The following PNPLA1 variants were observed in gnomAD, a reference collection of about 807,000 sequenced individuals.
PNPLA1 encodes the protein patatin like domain 1, omega-hydroxyceramide transacylase.
In PNPLA1, 36 loss-of-function variants were observed where a neutral mutation model predicts 51.7. The observed-to-expected ratio is 0.70, with a 90% CI of 0.53 to 0.92. The LOEUF is 0.92. Ranked by LOEUF, PNPLA1 falls within the 40% of genes least tolerant of loss-of-function variation. The pLI, the probability that PNPLA1 is intolerant of heterozygous loss-of-function variation, is 0.00. For synonymous variants in PNPLA1, 293 were observed against 280.1 expected (o/e 1.05, Z -0.46); for missense variants, 658 against 682.5 (o/e 0.96, Z 0.40).
chr6:36,273,635 G>A (rs1190294243), intron 1 of PNPLA1, among the ~76,000 whole-genome samples: 3 of 143,656 alleles, frequency 2.1e-5, no homozygotes, highest in Non-Finnish European at 4.5e-5. Context: ...GCTCATGCCT[G>A]TGATCCCAGC....
At chr6:36,259,437 A>G (rs1423010928) in intron 1 of PNPLA1, among the ~76,000 whole-genome samples, 3 of 152,142 alleles carry the variant, frequency 2.0e-5, no homozygotes, top group Non-Finnish European at 4.4e-5. Flanking sequence ...TATACTAGTA[A>G]AGACTATTTT....
At chr6:36,255,453 C>T (rs545367665) in intron 1 of PNPLA1, among the ~76,000 whole-genome samples, 3 of 152,278 alleles carry the variant, frequency 2.0e-5, no homozygotes, top group East Asian at 3.9e-4. Flanking sequence ...TGCAGTGAGC[C>T]GAGATCATGC....
intron 1 of PNPLA1, among the ~76,000 whole-genome samples, chr6:36,282,044 G>GAAAGAAAGAAAGAAA (rs1770301828): frequency 2.9e-4 from 10 of 34,568 alleles, no homozygotes; most frequent in African/African-American, 1.6e-3. Context: ...AAAGAAAGAA[G>GAAAGAAAGAAAGAAA]GAAAGAAAGA....
At chr6:36,286,937 C>A (rs1451886245) in intron 1 of PNPLA1, among the ~76,000 whole-genome samples, 2 of 152,068 alleles carry the variant, frequency 1.3e-5, no homozygotes, top group Non-Finnish European at 2.9e-5. Flanking sequence ...CCTCCCATCT[C>A]AGCCTCCCAA....
intron 1 of PNPLA1, among the ~76,000 whole-genome samples, chr6:36,282,127 AGGAAGGAAGGAAAGAG>A (rs1375503432): frequency 7.5e-5 from 9 of 120,090 alleles, no homozygotes; most frequent in African/African-American, 2.2e-4. Flanking sequence ...GAAGGAAGGA[AGGAAGGAAGGAAAGAG>A]AGACAGAGAG....
intron 1 of PNPLA1, among the ~76,000 whole-genome samples, chr6:36,290,283 C>T (rs1264633622): frequency 3.3e-5 from 5 of 152,186 alleles, no homozygotes; most frequent in African/African-American, 1.2e-4. Context: ...TATTTTCACT[C>T]CTGATTTTCC....
At chr6:36,283,525 G>T (rs1019576252) in intron 1 of PNPLA1, among the ~76,000 whole-genome samples, 1 of 152,146 alleles carries the variant, frequency 6.6e-6, no homozygotes, top group Non-Finnish European at 1.5e-5. Flanking sequence ...AGCTGGGCAT[G>T]GTGGTGCACC....
chr6:36,267,510 C>T (rs779060898), upstream of PNPLA1, among the ~76,000 whole-genome samples: 29 of 152,258 alleles, frequency 1.9e-4, no homozygotes, highest in Admixed American at 4.6e-4. Context: ...TATGTGCATT[C>T]GTGGAAGTCA....
intron 1 of PNPLA1, among the ~76,000 whole-genome samples, chr6:36,258,847 G>A (rs561012780): frequency 2.9e-4 from 44 of 152,316 alleles, no homozygotes; most frequent in African/African-American, 1.0e-3. Flanking sequence ...GGTTTGCATT[G>A]TCGCTCTCCA....
At chr6:36,304,629 GAAAAA>G (rs539155104) in intron 6 of PNPLA1, among the ~76,000 whole-genome samples, 1 of 71,960 alleles carries the variant, frequency 1.4e-5, no homozygotes, top group Non-Finnish European at 2.7e-5. Flanking sequence ...TCCGTCTCAG[GAAAAA>G]AAAAAAAAAA....
rs184075118 is a variant in PNPLA1, at chr6:36,257,723, A to G, written c.-81+14462A>G. ...AGCTGCTTTAAAATTCTTGTCTGTT[A>G]GTTTTTACATCTGAGTTGTCTCAAG... On this transcript the variant is annotated intron_variant, in intron 1 of 7. Transcript: ENST00000312917. 7.0e-3 allele frequency among the ~76,000 whole-genome samples: 1,065 copies of G among 152,168 alleles called. 12 individuals carry two copies. Among genetic ancestry groups the G allele is most frequent in the Non-Finnish European group, 0.013 (888 of 68,012 alleles).
In PNPLA1 at chr6:36,270,493, AC is replaced by A. The variant is rs938583000; in HGVS notation, c.38del (p.Pro13LeufsTer45). On this transcript the variant is annotated frameshift_variant, in exon 1 of 9. Transcript: ENST00000636260. LOFTEE classifies it high-confidence loss of function. Reference sequence around the variant, plus strand: ...ACAGGTGTTCAAGGGGGACCCGGACACCCCTCACTCCATCTCCTTCTCGGGC... The same window carrying A: ...ACAGGTGTTCAAGGGGGACCCGGACACCCTCACTCCATCTCCTTCTCGGGC... ...EEQVFKGDPDTPHSISFSGSG... is the reference protein window; with the variant it reads ...EEQVFKGDPDXPHSISFSGSG... 64 of 1,551,130 alleles carry A rather than the reference AC, an allele frequency of 4.1e-5. No homozygotes were observed. The highest frequency in any genetic ancestry group is 5.5e-5 in the Non-Finnish European group (63 of 1,146,950).
At chr6:36,300,995 T>A (rs1174221436) in intron 5 of PNPLA1, among the ~76,000 whole-genome samples, 1 of 152,218 alleles carries the variant, frequency 6.6e-6, no homozygotes, top group Non-Finnish European at 1.5e-5. Context: ...TTCTTCAAAT[T>A]GTTCCAGCTT....
intron 8 of PNPLA1, among the ~76,000 whole-genome samples, chr6:36,310,981 G>A (rs1771395287): frequency 6.6e-6 from 1 of 152,222 alleles, no homozygotes; most frequent in Non-Finnish European, 1.5e-5. Context: ...GGACATTTGG[G>A]AGGGTCCCGG....
chr6:36,307,874 C>A, intron 8 of PNPLA1, 162 bp downstream of exon 8: 1 of 861,712 alleles, frequency 1.2e-6, no homozygotes, highest in Non-Finnish European at 1.7e-6. Flanking sequence ...CCTGCTCTGC[C>A]ACAGCTCCAC....
At chr6:36,248,731 C>G (rs138361083) in intron 1 of PNPLA1, among the ~76,000 whole-genome samples, 31 of 152,256 alleles carry the variant, frequency 2.0e-4, no homozygotes, top group Non-Finnish European at 3.8e-4. Flanking sequence ...GTTGGCCAGG[C>G]TGGTCTTGAA....
At chr6:36,244,945 A>T (rs548724668) in intron 1 of PNPLA1, among the ~76,000 whole-genome samples, 3 of 152,334 alleles carry the variant, frequency 2.0e-5, no homozygotes, top group South Asian at 2.1e-4. Context: ...CTCACAGGTA[A>T]GGGTTTTTAA....
rs1434264509 is a variant in PNPLA1, at chr6:36,313,244, A to G, written c.*1358A>G. Among the ~76,000 whole-genome samples the G allele has an allele frequency of 6.6e-6, 1 of 152,130 alleles. No homozygotes were observed. Among genetic ancestry groups the G allele is most frequent in the Non-Finnish European group, 1.5e-5 (1 of 68,012 alleles). Reference sequence around the variant, plus strand: ...GTCTGCTGTTCACACCTCAGTGAAAATGTTCCGTGAGGAGGACAACTTCAG... The same window carrying G: ...GTCTGCTGTTCACACCTCAGTGAAAGTGTTCCGTGAGGAGGACAACTTCAG... On this transcript the variant is annotated 3_prime_UTR_variant, in exon 9 of 9. Transcript: ENST00000636260.
At chr6:36,299,333 C>CTTTT (rs56352900) in intron 5 of PNPLA1, among the ~76,000 whole-genome samples, 95,996 of 142,236 alleles carry the variant, frequency 0.67, 32,338 homozygotes, top group Admixed American at 0.72. Context: ...GTTTTTTTGT[C>CTTTT]TGTTTTTTTT....
Sources: gnomAD v4.1 joint callset for allele counts (sites outside exome capture counted in the v4.1 genomes callset) on GRCh38, gnomAD v4.1.1 for gene constraint, MANE v1.5 for transcripts, NCBI Gene and HGNC (gene_info 2026-07-23, HGNC 2026-07-21) for gene names.